Variants in GGT1 observed in about 807,000 individuals in gnomAD.
GGT1 encodes the protein gamma-glutamyltransferase 1, also known as glutathione hydrolase 1 proenzyme.
Under a neutral mutation model 56.0 loss-of-function variants are expected in GGT1, and 21 were observed. The ratio of observed to expected loss-of-function variants is 0.38; its 90% CI spans 0.27 to 0.54. GGT1 has a LOEUF of 0.54. GGT1 is among the 20% of genes least tolerant of loss of function. The pLI, the probability that GGT1 is intolerant of heterozygous loss-of-function variation, is 0.82. For synonymous variants in GGT1, 238 were observed against 342.6 expected, an observed-to-expected ratio of 0.69 and a Z score of 3.37; for missense variants, 466 against 787.0, an observed-to-expected ratio of 0.59 and a Z score of 4.88.
At position 24,606,523 on chromosome 22, in the gene GGT1, T is replaced by G. The variant is rs574270377; in HGVS notation, c.-428-1431T>G. Reference sequence around the variant, plus strand: ...CACTTAGCAGGGCCAAATCCCCTGATGTTCCTGTTGGCTGTCTAGCCTTCA... The same window carrying G: ...CACTTAGCAGGGCCAAATCCCCTGAGGTTCCTGTTGGCTGTCTAGCCTTCA... On this transcript the variant is annotated intron_variant, in intron 1 of 15. Coordinates refer to ENST00000400382, the MANE Select transcript of GGT1 (RefSeq NM_001288833.2). Among the ~76,000 whole-genome samples the G allele has an allele frequency of 5.3e-5, 8 of 152,350 alleles. No homozygotes were observed. In the East Asian group the frequency reaches 1.5e-3, roughly 29 times the overall value.
rs2046580524 is a variant in GGT1, at chr22:24,610,470, C to T, written c.-69C>T. The T allele has an allele frequency of 6.1e-6, 1 of 164,078 alleles. No homozygotes were observed. Among genetic ancestry groups the T allele is most frequent in the African/African-American group, 2.4e-5 (1 of 41,524 alleles). 10.2% of individuals were successfully genotyped at this position (164,078 alleles called of 1,614,324 possible). A position where few individuals can be genotyped will look rare whatever the true frequency, so the allele number is the denominator to read the frequency against. ...ATTTCCTCAGCTATTTCCACCAAATCCTCCTGTCTTTCGTGGCCAACACCC... is the reference window on the plus strand; with the variant it reads ...ATTTCCTCAGCTATTTCCACCAAATTCTCCTGTCTTTCGTGGCCAACACCC... On this transcript the variant is annotated 5_prime_UTR_variant, in exon 4 of 16. Coordinates refer to ENST00000400382, the MANE Select transcript of GGT1 (RefSeq NM_001288833.2).
At chr22:24,623,306 C>G (rs2047542120) in intron 10 of GGT1, 50 bp downstream of exon 10, 3 of 1,442,122 alleles carry the variant, frequency 2.1e-6, no homozygotes, top group Non-Finnish European at 1.9e-6. Flanking sequence ...CACTGCCTCT[C>G]TCTCCCCACG....
At chr22:24,601,272 C>T (rs1033940240), upstream of GGT1, among the ~76,000 whole-genome samples, 19 of 152,214 alleles carry the variant, frequency 1.2e-4, no homozygotes, top group African/African-American at 1.2e-4. Context: ...TGCCCCCATG[C>T]GCCCCCCAAC....
chr22:24,619,141 T>TA (rs1601727637), intron 7 of GGT1, among the ~76,000 whole-genome samples: 1 of 152,134 alleles, frequency 6.6e-6, no homozygotes, highest in Non-Finnish European at 1.5e-5. Context: ...CTCACGCCTG[T>TA]AATCCCAGAA....
At position 24,620,704 on chromosome 22, in the gene GGT1, A is replaced by T; in HGVS notation, c.575+184A>T. The stretch of plus-strand genomic sequence containing the variant: ...TTCTGAGCGTGGGGTCCCAGTGGCC[A>T]CTGTGGCTGGCCATGTGTCCTGAGT... On this transcript the variant is annotated intron_variant, in intron 8 of 15. Transcript: ENST00000400382. This position sits in a 1 kb window ranked among gnomAD's most constrained non-coding sequence, Gnocchi z 5.6. 4 of 1,457,522 alleles carry T rather than the reference A, an allele frequency of 2.7e-6. No homozygotes were observed. Among genetic ancestry groups the T allele is most frequent in the Non-Finnish European group, 3.6e-6 (4 of 1,102,660 alleles). 90.3% of individuals were successfully genotyped at this position (1,457,522 alleles called of 1,614,324 possible). A position where few individuals can be genotyped will look rare whatever the true frequency, so the allele number is the denominator to read the frequency against.
upstream of GGT1, among the ~76,000 whole-genome samples, chr22:24,599,030 G>A (rs991989777): frequency 1.3e-5 from 2 of 152,238 alleles, no homozygotes; most frequent in African/African-American, 4.8e-5. Flanking sequence ...TCCTCCCATA[G>A]TGCTGGGATT....
At chr22:24,588,324 A>C in the GGT1 span, 1 of 1,611,218 alleles carries the variant, frequency 6.2e-7, no homozygotes, top group East Asian at 2.2e-5. Context: ...TCCAGAGCTC[A>C]TAGTCCTGTG....
intron 5 of GGT1, 122 bp downstream of exon 5, chr22:24,611,367 G>C (rs2046644186): frequency 4.3e-6 from 3 of 700,540 alleles, no homozygotes; most frequent in Middle Eastern, 3.9e-4. Flanking sequence ...TCTCTCAGTA[G>C]CCTTTGGGAA....
chr22:24,611,286 G>A (rs569379476), intron 5 of GGT1, 41 bp downstream of exon 5: 2 of 1,267,702 alleles, frequency 1.6e-6, no homozygotes, highest in South Asian at 2.5e-5. Context: ...CTGAAAACTG[G>A]GCAAGTGGAC....
At chr22:24,590,058 T>C, upstream of GGT1, 1 of 1,280,370 alleles carries the variant, frequency 7.8e-7, no homozygotes, top group Non-Finnish European at 1.0e-6. Flanking sequence ...CTCCATCTCC[T>C]CCCTAAGGCT....
chr22:24,586,762 C>T, the GGT1 span, among the ~76,000 whole-genome samples: 2 of 152,214 alleles, frequency 1.3e-5, no homozygotes, highest in Non-Finnish European at 2.9e-5. Context: ...AACTCCTGAC[C>T]TCAGGTGATC....
chr22:24,599,782 G>A (rs1258113527), upstream of GGT1, among the ~76,000 whole-genome samples: 1 of 152,230 alleles, frequency 6.6e-6, no homozygotes, highest in Non-Finnish European at 1.5e-5. Context: ...CAAGAAGCGA[G>A]GGAGGTCGGG....
At chr22:24,609,290 G>A (rs571215683) in intron 2 of GGT1, 17 of 152,222 alleles carry the variant, frequency 1.1e-4, no homozygotes, top group African/African-American at 3.4e-4. Flanking sequence ...GTCAGAAACA[G>A]GTGGCGCCTG....
At chr22:24,605,998 T>TATA (rs1249383700) in intron 1 of GGT1, among the ~76,000 whole-genome samples, 2 of 59,890 alleles carry the variant, frequency 3.3e-5, no homozygotes, top group African/African-American at 1.5e-4. Flanking sequence ...ATTTATATAA[T>TATA]TTATATAATA....
intron 5 of GGT1, among the ~76,000 whole-genome samples, chr22:24,612,007 A>C (rs2046736677): frequency 6.6e-6 from 1 of 152,012 alleles, no homozygotes; most frequent in South Asian, 2.1e-4. Flanking sequence ...GGGTTTTGCT[A>C]TGTTGGCCAG....
chr22:24,617,555 A>C (rs2047150314), intron 7 of GGT1, among the ~76,000 whole-genome samples: 1 of 151,908 alleles, frequency 6.6e-6, no homozygotes, highest in South Asian at 2.1e-4. Flanking sequence ...TGTGGATTTG[A>C]GGATGGGTTG....
the GGT1 span, chr22:24,589,565 GCA>G: frequency 4.2e-6 from 2 of 477,056 alleles, no homozygotes; most frequent in African/African-American, 4.1e-5. Flanking sequence ...CAGGCCTGGT[GCA>G]CAGTGCTGCC....
chr22:24,613,879 A>G (rs1351898304), intron 5 of GGT1, among the ~76,000 whole-genome samples: 1 of 152,258 alleles, frequency 6.6e-6, no homozygotes. Context: ...GAAAGACCCT[A>G]TCTCTACAAA....
At chr22:24,586,276 G>C in the GGT1 span, 2 of 1,613,894 alleles carry the variant, frequency 1.2e-6, no homozygotes, top group Non-Finnish European at 8.5e-7. Context: ...TGAAGCTCAG[G>C]TCCAGCACCG....
Sources: gnomAD v4.1 joint callset for allele counts (sites outside exome capture counted in the v4.1 genomes callset) on GRCh38, gnomAD v4.1.1 for gene constraint, Gnocchi (gnomAD v3.1) non-coding constraint, MANE v1.5 for transcripts, NCBI Gene and HGNC (gene_info 2026-07-23, HGNC 2026-07-21) for gene names.